NBEAL1: variants seen among roughly 807,000 people sequenced by gnomAD.
The protein encoded by NBEAL1 is neurobeachin like 1.
A neutral mutation model predicts 351.3 loss-of-function variants in NBEAL1; 273 were observed. The observed-to-expected ratio is 0.78, with a 90% CI of 0.70 to 0.86. The LOEUF (loss-of-function observed/expected upper bound fraction) is 0.86, where lower values mean the gene tolerates loss of function less well. Among genes scored for constraint, NBEAL1 ranks in the 40% least tolerant of loss-of-function variants. The probability of loss-of-function intolerance (pLI) is 0.00; values close to 1 mark genes in which losing one functional copy is unlikely to be tolerated. For missense variants in NBEAL1, 2,961 were observed against 3,201.3 expected, an observed-to-expected ratio of 0.92 and a Z score of 1.81; for synonymous variants, 1,050 against 1,086.4, an observed-to-expected ratio of 0.97 and a Z score of 0.66.
chr2:203,078,889 G>T (rs916339982), intron 8 of NBEAL1, among the ~76,000 whole-genome samples: 1 of 152,000 alleles, frequency 6.6e-6, no homozygotes, highest in African/African-American at 2.4e-5. Flanking sequence ...ACAAATCTGT[G>T]ACATAGTAAT....
At chr2:203,141,372 T>TA (rs2063373734) in intron 31 of NBEAL1, among the ~76,000 whole-genome samples, 7 of 34,516 alleles carry the variant, frequency 2.0e-4, no homozygotes, top group African/African-American at 2.0e-4. Flanking sequence ...TATTATTTTT[T>TA]TTTTTTTTTT....
intron 53 of NBEAL1, among the ~76,000 whole-genome samples, chr2:203,210,372 A>AG (rs2065750631): frequency 6.8e-6 from 1 of 146,422 alleles, no homozygotes; most frequent in South Asian, 2.2e-4. Flanking sequence ...CAAAAAAAAA[A>AG]AAAAAAAGTC....
At chr2:203,113,638 T>G (rs1043747286) in intron 17 of NBEAL1, among the ~76,000 whole-genome samples, 1 of 152,076 alleles carries the variant, frequency 6.6e-6, no homozygotes, top group Non-Finnish European at 1.5e-5. Context: ...CAACAGAAAT[T>G]TATTTTCTCA....
intron 54 of NBEAL1, 143 bp downstream of exon 54, chr2:203,211,249 T>C (rs1269438815): frequency 4.2e-6 from 2 of 480,684 alleles, no homozygotes; most frequent in Non-Finnish European, 6.7e-6. Flanking sequence ...TATAAAAAAT[T>C]GGAGGAGCTA....
intron 47 of NBEAL1, among the ~76,000 whole-genome samples, chr2:203,194,384 T>C (rs1167264162): frequency 6.6e-6 from 1 of 152,190 alleles, no homozygotes; most frequent in African/African-American, 2.4e-5. Flanking sequence ...ACATATTAAA[T>C]TGAGTAATTC....
chr2:203,073,159 C>A (rs977387433), intron 7 of NBEAL1, among the ~76,000 whole-genome samples: 2 of 152,140 alleles, frequency 1.3e-5, no homozygotes, highest in African/African-American at 4.8e-5. Context: ...CCACCTCAGC[C>A]TCCTGAGTAG....
At chr2:203,057,521 A>G in intron 6 of NBEAL1, 68 bp downstream of exon 6, 1 of 1,359,034 alleles carries the variant, frequency 7.4e-7, no homozygotes, top group Non-Finnish European at 1.0e-6. Flanking sequence ...TCTTCAAAGC[A>G]GGTCTTCTCT....
chr2:203,133,178 TAGC>T (rs2063114414), intron 27 of NBEAL1, 32 bp downstream of exon 27: 1 of 959,374 alleles, frequency 1.0e-6, no homozygotes, highest in East Asian at 2.8e-5. Context: ...ATTTTAATGA[TAGC>T]AGCATCACCA....
chr2:203,025,473 CT>C (rs1029522831), intron 2 of NBEAL1, among the ~76,000 whole-genome samples: 3 of 151,988 alleles, frequency 2.0e-5, no homozygotes, highest in Non-Finnish European at 1.5e-5. Flanking sequence ...TTTGCTACAG[CT>C]TTTTTTTCCT....
At chr2:203,105,236 G>A (rs1227738501) in intron 12 of NBEAL1, among the ~76,000 whole-genome samples, 3 of 151,958 alleles carry the variant, frequency 2.0e-5, no homozygotes, top group Non-Finnish European at 4.4e-5. Flanking sequence ...GCTGAGGCAG[G>A]CGGATCATGA....
At chr2:203,065,524 G>A (rs1030880792) in intron 6 of NBEAL1, among the ~76,000 whole-genome samples, 6 of 152,114 alleles carry the variant, frequency 3.9e-5, no homozygotes, top group Admixed American at 6.5e-5. Flanking sequence ...AGGCCGAGGC[G>A]GGTGGATCAC....
chr2:203,211,586 G>C (rs900569933), intron 54 of NBEAL1, among the ~76,000 whole-genome samples: 3 of 152,122 alleles, frequency 2.0e-5, no homozygotes, highest in African/African-American at 7.2e-5. Context: ...CAAGGCTACA[G>C]TAAGCTATGA....
At chr2:203,139,919 T>A (rs1220321910) in intron 31 of NBEAL1, among the ~76,000 whole-genome samples, 1 of 152,146 alleles carries the variant, frequency 6.6e-6, no homozygotes, top group Admixed American at 6.6e-5. Flanking sequence ...TTTTTATTTA[T>A]ATTATTGTGA....
intron 44 of NBEAL1, among the ~76,000 whole-genome samples, chr2:203,185,813 C>G (rs1184778493): frequency 2.0e-5 from 3 of 152,200 alleles, no homozygotes; most frequent in Admixed American, 1.3e-4. Context: ...ACTCTTTCTT[C>G]ATAGCATAAC....
chr2:203,167,264 T>G lies in NBEAL1; in HGVS notation c.5901T>G (p.Ile1967Met). Reference protein sequence around the residue: ...GFDFKWPHSQIREIHLRRYNL... With the variant: ...GFDFKWPHSQMREIHLRRYNL... The stretch of plus-strand genomic sequence containing the variant: ...ATTTCAAGTGGCCTCATTCTCAAAT[T>G]CGAGAGATTCATCTCCGGCGTTACA... Residue 1967 changes from isoleucine to methionine, a missense_variant, in exon 38 of 56, where the codon ATT (isoleucine) becomes ATG (methionine). By Grantham distance (10) the Ile-to-Met change is conservative. Coordinates refer to ENST00000683969, the MANE Select transcript of NBEAL1 (RefSeq NM_001378026.1). The G allele has an allele frequency of 6.2e-7, 1 of 1,611,672 alleles. No homozygotes were observed. The highest frequency in any genetic ancestry group is 8.5e-7 in the Non-Finnish European group (1 of 1,179,026).
intron 34 of NBEAL1, among the ~76,000 whole-genome samples, chr2:203,151,094 G>T (rs536581146): frequency 2.0e-5 from 3 of 152,220 alleles, no homozygotes; most frequent in Non-Finnish European, 4.4e-5. Context: ...CACTTTGGGA[G>T]GCCAAGGCGG....
At chr2:203,084,357 A>C (rs2061926612) in intron 9 of NBEAL1, 106 bp from the exon 10 acceptor site, 4 of 500,508 alleles carry the variant, frequency 8.0e-6, no homozygotes, top group Admixed American at 4.3e-5. Flanking sequence ...AAAATACTGA[A>C]CATCAAAGTT....
intron 2 of NBEAL1, among the ~76,000 whole-genome samples, chr2:203,035,012 G>A (rs1245016518): frequency 6.7e-6 from 1 of 149,210 alleles, no homozygotes; most frequent in Non-Finnish European, 1.5e-5. Context: ...ACTTGAGTGA[G>A]TACTGTAATC....
intron 2 of NBEAL1, among the ~76,000 whole-genome samples, chr2:203,033,053 T>C (rs925828718): frequency 3.9e-5 from 6 of 151,900 alleles, no homozygotes; most frequent in African/African-American, 1.5e-4. Context: ...CAGGCTGGAG[T>C]GCAGTGGCGC....
Sources: allele counts gnomAD v4.1 joint callset (sites outside exome capture counted in the v4.1 genomes callset), GRCh38; gene constraint gnomAD v4.1.1; transcripts MANE v1.5; gene names NCBI Gene and HGNC (gene_info 2026-07-23, HGNC 2026-07-21).